XNDC1N: variants seen among roughly 807,000 people sequenced by gnomAD.
The protein encoded by XNDC1N is protein XNDC1N.
the XNDC1N span, among the ~76,000 whole-genome samples, chr11:71,874,500 G>A: frequency 5.3e-5 from 8 of 152,198 alleles, no homozygotes; most frequent in Admixed American, 3.9e-4. Context: ...ACTAAGGGGA[G>A]TGTGAGTATT....
At chr11:71,888,879 C>T in the XNDC1N span, among the ~76,000 whole-genome samples, 8 of 152,236 alleles carry the variant, frequency 5.3e-5, no homozygotes, top group South Asian at 2.1e-4. Context: ...ACCTTGCTCC[C>T]GGTATCAAAG....
At chr11:71,890,675 G>T in the XNDC1N span, among the ~76,000 whole-genome samples, 1 of 151,890 alleles carries the variant, frequency 6.6e-6, no homozygotes, top group Non-Finnish European at 1.5e-5. Flanking sequence ...ATATCACAGG[G>T]GGTTGTGAAC....
the XNDC1N span, chr11:71,903,788 A>C: frequency 5.7e-6 from 2 of 353,574 alleles, no homozygotes; most frequent in South Asian, 2.2e-5. Flanking sequence ...GAACATCAAC[A>C]TGTATTTCCC....
At chr11:71,909,348 G>C in the XNDC1N span, among the ~76,000 whole-genome samples, 1 of 151,528 alleles carries the variant, frequency 6.6e-6, no homozygotes, top group African/African-American at 2.4e-5. Flanking sequence ...GGCAAGGGAA[G>C]GGAGGCCCTG....
the XNDC1N span, among the ~76,000 whole-genome samples, chr11:71,900,346 C>A: frequency 4.7e-3 from 667 of 141,386 alleles, 2 homozygotes; most frequent in African/African-American, 0.015. Flanking sequence ...CCCGACTAGA[C>A]ATACCCACAG....
chr11:71,910,725 C>T, the XNDC1N span, among the ~76,000 whole-genome samples: 240 of 152,268 alleles, frequency 1.6e-3, 1 homozygote, highest in African/African-American at 5.3e-3. Flanking sequence ...GGGGTCAGAA[C>T]GAAAGCAGGT....
the XNDC1N span, among the ~76,000 whole-genome samples, chr11:71,879,123 TAGA>T: frequency 1.3e-5 from 2 of 152,126 alleles, no homozygotes; most frequent in African/African-American, 2.4e-5. Context: ...GAATGAAGAC[TAGA>T]AGAAGGGCTA....
chr11:71,928,577 GA>G, the XNDC1N span: 1 of 702,552 alleles, frequency 1.4e-6, no homozygotes, highest in African/African-American at 1.7e-5. Flanking sequence ...CTGCAGCCAG[GA>G]AAATACATTT....
the XNDC1N span, among the ~76,000 whole-genome samples, chr11:71,873,530 T>C: frequency 6.6e-6 from 1 of 152,202 alleles, no homozygotes; most frequent in South Asian, 2.1e-4. Context: ...GGAAAGCCTC[T>C]CTGAGATGGT....
the XNDC1N span, among the ~76,000 whole-genome samples, chr11:71,876,967 G>A: frequency 6.6e-6 from 1 of 152,186 alleles, no homozygotes; most frequent in African/African-American, 2.4e-5. Flanking sequence ...CCCAGGCACC[G>A]CTGCCCCAGC....
At chr11:71,926,776 C>T in the XNDC1N span, among the ~76,000 whole-genome samples, 118 of 152,168 alleles carry the variant, frequency 7.8e-4, 1 homozygote, top group East Asian at 0.019. Flanking sequence ...TGGCACATGC[C>T]TGTAATCCCA....
chr11:71,892,212 C>T, the XNDC1N span, among the ~76,000 whole-genome samples: 1 of 152,090 alleles, frequency 6.6e-6, no homozygotes, highest in Admixed American at 6.5e-5. Flanking sequence ...GGTGTACACT[C>T]ACTGTGGTAT....
the XNDC1N span, among the ~76,000 whole-genome samples, chr11:71,909,049 G>A: frequency 3.3e-5 from 5 of 152,322 alleles, no homozygotes; most frequent in Admixed American, 1.3e-4. Context: ...CAGAGACTGT[G>A]TGAGGTCTAT....
the XNDC1N span, among the ~76,000 whole-genome samples, chr11:71,918,606 C>T: frequency 6.6e-6 from 1 of 152,130 alleles, no homozygotes; most frequent in Admixed American, 6.5e-5. Context: ...CGTCAGTGTC[C>T]TAAGGTTTTA....
the XNDC1N span, among the ~76,000 whole-genome samples, chr11:71,908,831 T>C: frequency 1.3e-5 from 2 of 152,082 alleles, no homozygotes; most frequent in African/African-American, 2.4e-5. Context: ...CACCAGCTGA[T>C]TATCAAAACG....
At chr11:71,904,956 G>T in the XNDC1N span, among the ~76,000 whole-genome samples, 3 of 151,936 alleles carry the variant, frequency 2.0e-5, no homozygotes, top group Non-Finnish European at 2.9e-5. Context: ...CACCCCGTGT[G>T]ACATTAGGAG....
chr11:71,885,955 G>C, the XNDC1N span, among the ~76,000 whole-genome samples: 1 of 151,690 alleles, frequency 6.6e-6, no homozygotes, highest in East Asian at 1.9e-4. Flanking sequence ...AAAATATTAT[G>C]GGTTATTAAT....
chr11:71,879,654 G>C, the XNDC1N span, among the ~76,000 whole-genome samples: 1 of 151,924 alleles, frequency 6.6e-6, no homozygotes, highest in Non-Finnish European at 1.5e-5. Flanking sequence ...GCCTTAAAGT[G>C]TTCTATTCAG....
At chr11:71,880,708 G>A in the XNDC1N span, among the ~76,000 whole-genome samples, 1 of 152,024 alleles carries the variant, frequency 6.6e-6, no homozygotes, top group Non-Finnish European at 1.5e-5. Flanking sequence ...GGTATGTTGT[G>A]TTTCCATTTG....
Sources: allele counts gnomAD v4.1 joint callset (sites outside exome capture counted in the v4.1 genomes callset), GRCh38; gene constraint gnomAD v4.1.1; transcripts MANE v1.5; gene names NCBI Gene and HGNC (gene_info 2026-07-23, HGNC 2026-07-21).